Variants in SLCO1B1 observed in about 807,000 individuals in gnomAD.
SLCO1B1 encodes the protein OATP-2.
In SLCO1B1, 81 loss-of-function variants were observed where a neutral mutation model predicts 70.1. The ratio of observed to expected loss-of-function variants is 1.16; its 90% CI spans 0.97 to 1.39. The LOEUF (loss-of-function observed/expected upper bound fraction) is 1.39. SLCO1B1 is among the 40% of genes most tolerant of loss of function. SLCO1B1 has a pLI of 0.00. For synonymous variants in SLCO1B1, 283 were observed against 271.5 expected (o/e 1.04, Z -0.42); for missense variants, 895 against 799.6 (o/e 1.12, Z -1.44).
chr12:21,152,517 T>G (rs1940484390), intron 2 of SLCO1B1, among the ~76,000 whole-genome samples: 3 of 123,908 alleles, frequency 2.4e-5, no homozygotes, highest in African/African-American at 2.8e-5. Context: ...GTTGCTAAGG[T>G]GTGGGAGAGG....
intron 11 of SLCO1B1, among the ~76,000 whole-genome samples, chr12:21,216,077 C>A (rs565084060): frequency 6.6e-6 from 1 of 152,212 alleles, no homozygotes; most frequent in East Asian, 1.9e-4. Flanking sequence ...AAGACATAAT[C>A]TTCATTATAC....
intron 7 of SLCO1B1, among the ~76,000 whole-genome samples, chr12:21,188,538 A>T (rs916475039): frequency 2.0e-5 from 3 of 152,168 alleles, no homozygotes; most frequent in African/African-American, 7.2e-5. Context: ...GTCATGTAGA[A>T]TTGTAATCCC....
chr12:21,216,628 GTC>G (rs1425714624), intron 11 of SLCO1B1, among the ~76,000 whole-genome samples: 1 of 152,044 alleles, frequency 6.6e-6, no homozygotes, highest in African/African-American at 2.4e-5. Flanking sequence ...ATCTCTACCT[GTC>G]TCTATTTTTC....
intron 2 of SLCO1B1, among the ~76,000 whole-genome samples, chr12:21,158,350 A>C (rs993330613): frequency 1.6e-4 from 25 of 152,212 alleles, no homozygotes; most frequent in Non-Finnish European, 2.8e-4. Flanking sequence ...TTTTGAAACA[A>C]ATCCATAGAA....
At chr12:21,178,385 T>C (rs1940846532) in intron 5 of SLCO1B1, among the ~76,000 whole-genome samples, 191 bp from the exon 6 acceptor site, 1 of 152,154 alleles carries the variant, frequency 6.6e-6, no homozygotes, top group East Asian at 1.9e-4. Context: ...CAGTCTCAGG[T>C]ATGTATTTAT....
chr12:21,159,841 A>C (rs1341364334), intron 2 of SLCO1B1, among the ~76,000 whole-genome samples: 1 of 152,152 alleles, frequency 6.6e-6, no homozygotes, highest in Non-Finnish European at 1.5e-5. Context: ...AGCCAAACCG[A>C]GAGCCAAATC....
chr12:21,197,267 A>G lies in SLCO1B1; in HGVS notation c.970+79A>G. 2.6e-6 allele frequency: 4 copies of G among 1,517,194 alleles called. No individual in the cohort carries two copies. The South Asian group carries it at 4.7e-5, about 18-fold the overall frequency. 94.0% of individuals were successfully genotyped at this position (1,517,194 alleles called of 1,614,324 possible). A position where few individuals can be genotyped will look rare whatever the true frequency, so the allele number is the denominator to read the frequency against. On this transcript the variant is annotated intron_variant, in intron 8 of 14. Coordinates refer to ENST00000256958, the MANE Select transcript of SLCO1B1 (RefSeq NM_006446.5). ...AAGAATGAGTATTCCAAAATAATAA[A>G]GCATACCCAACTCATCTGGAGTTGG...
At chr12:21,202,096 A>C (rs1010898150) in intron 9 of SLCO1B1, among the ~76,000 whole-genome samples, 1 of 152,146 alleles carries the variant, frequency 6.6e-6, no homozygotes, top group Non-Finnish European at 1.5e-5. Flanking sequence ...ATTCTCAGCA[A>C]ACTAACACAG....
chr12:21,143,818 T>A (rs1237378248), intron 2 of SLCO1B1, among the ~76,000 whole-genome samples: 1 of 152,070 alleles, frequency 6.6e-6, no homozygotes, highest in East Asian at 1.9e-4. Flanking sequence ...TCCATACTTC[T>A]AAAAAATTAT....
intron 1 of SLCO1B1, among the ~76,000 whole-genome samples, chr12:21,133,852 A>G (rs1940176527): frequency 6.6e-6 from 1 of 152,182 alleles, no homozygotes; most frequent in Non-Finnish European, 1.5e-5. Context: ...TGCCCTGGCC[A>G]GAACTTCCAA....
At chr12:21,143,350 A>G (rs1940337235) in intron 2 of SLCO1B1, among the ~76,000 whole-genome samples, 1 of 152,006 alleles carries the variant, frequency 6.6e-6, no homozygotes, top group Non-Finnish European at 1.5e-5. Flanking sequence ...AATTTTCTGT[A>G]TTTGAAATAT....
intron 3 of SLCO1B1, among the ~76,000 whole-genome samples, chr12:21,173,771 C>CATT (rs1940784600): frequency 8.7e-6 from 1 of 115,072 alleles, no homozygotes; most frequent in Non-Finnish European, 1.7e-5. Flanking sequence ...GTGGTCATGA[C>CATT]TTTTTTTTTT....
chr12:21,160,980 G>T (rs1458632568), intron 2 of SLCO1B1, among the ~76,000 whole-genome samples: 1 of 152,082 alleles, frequency 6.6e-6, no homozygotes, highest in Admixed American at 6.6e-5. Flanking sequence ...ACGCTAGTCA[G>T]ATTATTATTA....
intron 1 of SLCO1B1, among the ~76,000 whole-genome samples, chr12:21,133,520 T>C (rs1940171698): frequency 6.6e-6 from 1 of 152,160 alleles, no homozygotes; most frequent in African/African-American, 2.4e-5. Context: ...AGCAGTGGTT[T>C]GTAGTTCTCC....
intron 11 of SLCO1B1, among the ~76,000 whole-genome samples, chr12:21,216,144 G>A (rs529361545): frequency 4.2e-4 from 64 of 152,002 alleles, no homozygotes; most frequent in Admixed American, 1.2e-3. Flanking sequence ...TTATTTATTT[G>A]TGTATTTATT....
Position 21,134,038 on chromosome 12 carries a change from A to C in SLCO1B1, c.-62+2802A>C, listed in dbSNP as rs568710866. On this transcript the variant is annotated intron_variant, in intron 1 of 14. Transcript: ENST00000256958. ...ACCTAATTTATTGAGAGTTTTTAGC[A>C]TGAAGGGTTGTTGAATTTTGTCAAA... Among the ~76,000 whole-genome samples the C allele has an allele frequency of 1.4e-4, 21 of 152,310 alleles. No individual in the cohort carries two copies. The East Asian group carries it at 3.1e-3, about 22-fold the overall frequency.
At chr12:21,227,222 A>G (rs1055493203) in intron 14 of SLCO1B1, among the ~76,000 whole-genome samples, 1 of 152,090 alleles carries the variant, frequency 6.6e-6, no homozygotes, top group Non-Finnish European at 1.5e-5. Flanking sequence ...GTAATTAGAT[A>G]AATAGTTCTA....
chr12:21,178,944 G>A lies in SLCO1B1; in HGVS notation c.651G>A (p.Met217Ile). 1.2e-6 allele frequency: 2 copies of A among 1,611,286 alleles called. No individual in the cohort carries two copies. Among genetic ancestry groups the A allele is most frequent in the Non-Finnish European group, 1.7e-6 (2 of 1,178,004 alleles). Residue 217 changes from methionine to isoleucine, a missense_variant, in exon 7 of 15, where the codon ATG (methionine) becomes ATA (isoleucine). Physicochemically the swap from Met to Ile is conservative, Grantham distance 10 (BLOSUM62 1). Transcript: ENST00000256958. ...LYLGILNAIAMIGPIIGFTLG... is the reference protein window; with the variant it reads ...LYLGILNAIAIIGPIIGFTLG... ...CAGGTATATTGAATGCAATAGCAAT[G>A]ATTGGTCCAATCATTGGCTTTACCC...
intron 2 of SLCO1B1, among the ~76,000 whole-genome samples, chr12:21,144,488 T>C (rs976110153): frequency 6.6e-6 from 1 of 152,120 alleles, no homozygotes; most frequent in Non-Finnish European, 1.5e-5. Flanking sequence ...GGAAAATGTC[T>C]TTGAGGATAA....
Sources: gnomAD v4.1 joint callset for allele counts (sites outside exome capture counted in the v4.1 genomes callset) on GRCh38, gnomAD v4.1.1 for gene constraint, MANE v1.5 for transcripts, NCBI Gene and HGNC (gene_info 2026-07-23, HGNC 2026-07-21) for gene names.